Variants in TTC6 observed in about 807,000 individuals in gnomAD.
The protein encoded by TTC6 is tetratricopeptide repeat protein 6.
TTC6 carries 172 observed loss-of-function variants against 210.4 expected under a neutral mutation model. That is an observed-to-expected ratio of 0.82 (90% CI 0.72 to 0.93). TTC6 has a LOEUF of 0.93. Ranked by LOEUF, TTC6 falls within the 40% of genes least tolerant of loss-of-function variation. The pLI is 0.00. For synonymous variants in TTC6, 804 were observed against 819.6 expected, an observed-to-expected ratio of 0.98 and a Z score of 0.32; for missense variants, 2,414 against 2,318.1, an observed-to-expected ratio of 1.04 and a Z score of -0.85.
chr14:37,842,417 CCTT>C (rs2139067451), exon 31 of TTC6: 1 of 771,196 alleles, frequency 1.3e-6, no homozygotes, highest in Non-Finnish European at 1.8e-6. Flanking sequence ...TTCCATATAA[CCTT>C]CTATGCATTT....
intron 2 of TTC6, among the ~76,000 whole-genome samples, chr14:37,610,776 G>A (rs981108191): frequency 6.6e-6 from 1 of 152,200 alleles, no homozygotes; most frequent in Non-Finnish European, 1.5e-5. Flanking sequence ...TACACCAGCT[G>A]AGTCTACATC....
upstream of TTC6, among the ~76,000 whole-genome samples, chr14:37,617,308 G>A (rs2095644377): frequency 1.3e-5 from 2 of 152,190 alleles, no homozygotes; most frequent in African/African-American, 4.8e-5. Context: ...ATATATGTAT[G>A]TATTTTTGAA....
intron 14 of TTC6, chr14:37,772,712 C>G (rs1016080749): frequency 6.3e-6 from 1 of 159,018 alleles, no homozygotes; most frequent in African/African-American, 2.4e-5. Flanking sequence ...TCTGGCAGTC[C>G]CTAGTGAGAT....
intron 10 of TTC6, among the ~76,000 whole-genome samples, chr14:37,740,933 ATGC>A (rs1262183756): frequency 1.3e-5 from 2 of 152,196 alleles, no homozygotes; most frequent in Non-Finnish European, 2.9e-5. Flanking sequence ...AACTGATCAA[ATGC>A]TGCTTCTGTG....
chr14:37,809,071 C>T (rs2139423796), intron 24 of TTC6, among the ~76,000 whole-genome samples: 1 of 152,122 alleles, frequency 6.6e-6, no homozygotes, highest in South Asian at 2.1e-4. Flanking sequence ...ACCAAAGAAC[C>T]ATTTCAAAGA....
chr14:37,762,882 C>CTTTTTTTTT (rs369694046), intron 14 of TTC6, among the ~76,000 whole-genome samples: 4 of 129,596 alleles, frequency 3.1e-5, no homozygotes, highest in Non-Finnish European at 6.5e-5. Context: ...CTTTTCTTTT[C>CTTTTTTTTT]TTTTTTTTTT....
chr14:37,761,233 C>T (rs1437221319), intron 14 of TTC6, among the ~76,000 whole-genome samples: 1 of 151,988 alleles, frequency 6.6e-6, no homozygotes, highest in East Asian at 2.0e-4. Flanking sequence ...TCCCTCATGG[C>T]TTCCCTTGGT....
intron 6 of TTC6, among the ~76,000 whole-genome samples, chr14:37,721,847 C>CATATATATATATATATATAT (rs35265224): frequency 1.8e-3 from 211 of 117,218 alleles, no homozygotes; most frequent in Non-Finnish European, 2.6e-3. Context: ...TGAGTTTCAC[C>CATATATATATATATATATAT]ATATATATAT....
chr14:37,679,289 A>C (rs896163678), intron 1 of TTC6, among the ~76,000 whole-genome samples: 2 of 152,142 alleles, frequency 1.3e-5, no homozygotes, highest in African/African-American at 2.4e-5. Context: ...GGAAAGCAAA[A>C]TAATGTGCCT....
At chr14:37,830,495 A>G (rs1032939688) in intron 29 of TTC6, among the ~76,000 whole-genome samples, 3 of 151,188 alleles carry the variant, frequency 2.0e-5, no homozygotes, top group African/African-American at 7.3e-5. Flanking sequence ...TTTATTCTTA[A>G]TTTTTTTATT....
At chr14:37,603,827 A>G (rs190793137) in intron 1 of TTC6, among the ~76,000 whole-genome samples, 155 of 152,356 alleles carry the variant, frequency 1.0e-3, no homozygotes, top group African/African-American at 3.6e-3. Context: ...GTGCAGTCGG[A>G]CATGTTCAAT....
intron 1 of TTC6, among the ~76,000 whole-genome samples, chr14:37,654,750 T>C: frequency 6.6e-6 from 1 of 152,218 alleles, no homozygotes; most frequent in East Asian, 1.9e-4. Flanking sequence ...ATTTTTCTCC[T>C]TTTTAATTTA....
At chr14:37,650,450 A>T (rs1303664380) in intron 1 of TTC6, among the ~76,000 whole-genome samples, 1 of 152,066 alleles carries the variant, frequency 6.6e-6, no homozygotes, top group African/African-American at 2.4e-5. Flanking sequence ...CTAATATCTT[A>T]TTCTATTCTG....
At chr14:37,652,201 G>T (rs1362681338) in intron 1 of TTC6, among the ~76,000 whole-genome samples, 1 of 152,120 alleles carries the variant, frequency 6.6e-6, no homozygotes. Flanking sequence ...CTATTAGATT[G>T]AACCATATGA....
At chr14:37,622,370 C>A in exon 1 of TTC6, 1 of 1,531,542 alleles carries the variant, frequency 6.5e-7, no homozygotes, top group South Asian at 1.2e-5. Context: ...GTCCCTCGGG[C>A]CTGGGTGAGG....
intron 2 of TTC6, among the ~76,000 whole-genome samples, chr14:37,616,147 A>G (rs1435493622): frequency 6.6e-6 from 1 of 152,198 alleles, no homozygotes; most frequent in Non-Finnish European, 1.5e-5. Context: ...TTTGTCCTGC[A>G]TATACGTGAA....
intron 1 of TTC6, among the ~76,000 whole-genome samples, chr14:37,639,173 C>G (rs1315053644): frequency 1.3e-5 from 2 of 152,132 alleles, no homozygotes; most frequent in Non-Finnish European, 1.5e-5. Flanking sequence ...GTTTTCTTGG[C>G]CCTTTGCTTT....
chr14:37,701,337 C>T, exon 5 of TTC6: 3 of 1,394,984 alleles, frequency 2.2e-6, no homozygotes, highest in Non-Finnish European at 2.8e-6. Context: ...TGCAGAATTC[C>T]ACAAGACTAC....
rs944270939 is a variant in TTC6 at position 37,635,716 on chromosome 14, C to G, written c.939+12713C>G. ...AGAGATGGCTGGGTGCGGTGGCTCA[C>G]GCCTGTAATCCCAGCACTTTGGGAG... On this transcript the variant is annotated intron_variant, in intron 1 of 30. Coordinates refer to ENST00000553443, the Ensembl canonical transcript of TTC6. 7.2e-5 allele frequency among the ~76,000 whole-genome samples: 11 copies of G among 152,120 alleles called. No individual in the cohort carries two copies. The East Asian group carries it at 2.1e-3, about 29-fold the overall frequency.
Sources: gnomAD v4.1 joint callset for allele counts (sites outside exome capture counted in the v4.1 genomes callset) on GRCh38, gnomAD v4.1.1 for gene constraint, MANE v1.5 for transcripts, NCBI Gene and HGNC (gene_info 2026-07-23, HGNC 2026-07-21) for gene names.